The following DBT variants were observed in gnomAD, a reference collection of about 807,000 sequenced individuals.
The protein encoded by DBT is lipoamide acyltransferase component of branched-chain alpha-keto acid dehydrogenase complex, mitochondrial.
A neutral mutation model predicts 51.3 loss-of-function variants in DBT; 40 were observed. That is an observed-to-expected ratio of 0.78 (90% CI 0.61 to 1.02). The LOEUF (loss-of-function observed/expected upper bound fraction) is 1.02, where lower values mean the gene tolerates loss of function less well. Ranked by LOEUF, DBT falls within the 50% of genes least tolerant of loss-of-function variation. The pLI, the probability that DBT is intolerant of heterozygous loss-of-function variation, is 0.00. For synonymous variants in DBT, 181 were observed against 190.4 expected (o/e 0.95, Z 0.41); for missense variants, 510 against 580.2 (o/e 0.88, Z 1.24).
rs1250781672 is a variant in DBT at position 100,189,834 on chromosome 1, T to G, written c.*6421A>C. The G allele has an allele frequency of 2.0e-5, 3 of 152,330 alleles. No individual in the cohort carries two copies. Among genetic ancestry groups the G allele is most frequent in the African/African-American group, 7.2e-5 (3 of 41,558 alleles). The allele number at this position is 152,330 out of a possible 1,614,324, so 9.4% of individuals were successfully genotyped here. A position where few individuals can be genotyped will look rare whatever the true frequency, so the allele number is the denominator to read the frequency against. On this transcript the variant is annotated 3_prime_UTR_variant, in exon 11 of 11. Transcript: ENST00000370132. ...TATTTAAAAAATAAGAACATTTGTG[T>G]CTTATTAGTTAAGGCAGCACTATCC...
At chr1:100,200,756 C>T (rs572426187) in intron 10 of DBT, among the ~76,000 whole-genome samples, 1 of 152,316 alleles carries the variant, frequency 6.6e-6, no homozygotes, top group South Asian at 2.1e-4. Context: ...TGGTGATACC[C>T]AGGCAAACAG....
chr1:100,198,650 T>C (rs1661244255), intron 10 of DBT, among the ~76,000 whole-genome samples: 1 of 152,208 alleles, frequency 6.6e-6, no homozygotes, highest in Non-Finnish European at 1.5e-5. Context: ...GAATTCTTGT[T>C]GGAAAAGAGA....
Position 100,240,898 on chromosome 1 carries a change from A to C in DBT, c.52-14T>G. 1 of 1,612,594 alleles carries C rather than the reference A, an allele frequency of 6.2e-7. No homozygotes were observed. Among genetic ancestry groups the C allele is most frequent in the South Asian group, 1.1e-5 (1 of 90,876 alleles). On this transcript the variant is annotated splice_polypyrimidine_tract_variant and intron_variant, in intron 1 of 10. Coordinates refer to ENST00000370132, the MANE Select transcript of DBT (RefSeq NM_001918.5). ...GCGAACACAAATCTACAGATGAGAA[A>C]ACAAAAAGTAAAAGCATTTATAAAC...
rs971148454 is a variant in DBT, at chr1:100,249,369, C to A, written c.51+401G>T. On this transcript the variant is annotated intron_variant, in intron 1 of 10. Transcript: ENST00000370132. ...CTTGAACGGCCTCTTCCTCTACACA[C>A]TGTAGATTCCTTGAGGGTAGGGGTC... 3.2e-4 allele frequency: 111 copies of A among 341,680 alleles called. 1 individual carries two copies. The Admixed American group carries it at 4.3e-3, about 13-fold the overall frequency. The allele number at this position is 341,680 out of a possible 1,614,324, so 21.2% of individuals were successfully genotyped here. A position where few individuals can be genotyped will look rare whatever the true frequency, so the allele number is the denominator to read the frequency against.
rs1293350862 is a variant in DBT at position 100,187,687 on chromosome 1, GCTAA to G, written c.*8564_*8567del. ...CCACAGGCGTGCACCACCAGGCCTG[GCTAA>G]CTTTTTGTATTTTTTTTTTTTTTTT... On this transcript the variant is annotated 3_prime_UTR_variant, in exon 11 of 11. Coordinates refer to ENST00000370132, the MANE Select transcript of DBT (RefSeq NM_001918.5). The G allele has an allele frequency of 1.3e-5, 2 of 151,388 alleles. No individual in the cohort carries two copies. Among genetic ancestry groups the G allele is most frequent in the African/African-American group, 4.9e-5 (2 of 41,062 alleles). The allele number at this position is 151,388 out of a possible 1,614,324, so 9.4% of individuals were successfully genotyped here.
chr1:100,210,575 C>A, intron 8 of DBT, 119 bp downstream of exon 8: 16 of 1,368,904 alleles, frequency 1.2e-5, no homozygotes, highest in Non-Finnish European at 1.5e-5. Flanking sequence ...TTACCCCATA[C>A]CTTTAATTCT....
intron 4 of DBT, among the ~76,000 whole-genome samples, chr1:100,226,732 A>G (rs1437260423): frequency 6.6e-6 from 1 of 152,202 alleles, no homozygotes; most frequent in Non-Finnish European, 1.5e-5. Context: ...GGGTGGGAAA[A>G]GTATGAGGTG....
chr1:100,205,398 C>T (rs554615403), intron 10 of DBT, among the ~76,000 whole-genome samples: 1 of 152,128 alleles, frequency 6.6e-6, no homozygotes, highest in African/African-American at 2.4e-5. Flanking sequence ...ATCAAAACTA[C>T]AATGAGATAC....
intron 2 of DBT, among the ~76,000 whole-genome samples, chr1:100,240,551 G>T (rs1664150945): frequency 6.6e-6 from 1 of 152,012 alleles, no homozygotes; most frequent in South Asian, 2.1e-4. Flanking sequence ...TTTTTAAAAA[G>T]GGGTGCCAGT....
intron 4 of DBT, among the ~76,000 whole-genome samples, chr1:100,219,612 A>T (rs1662720987): frequency 1.3e-5 from 2 of 151,888 alleles, no homozygotes; most frequent in African/African-American, 2.4e-5. Flanking sequence ...GCTAGGTACG[A>T]TAGCACACAT....
chr1:100,240,836 G>A lies in DBT; in HGVS notation c.100C>T (p.Pro34Ser), dbSNP rs1258634120. The A allele has an allele frequency of 1.2e-6, 2 of 1,611,322 alleles. No homozygotes were observed. The highest frequency in any genetic ancestry group is 1.3e-5 in the African/African-American group (1 of 74,950). ...TAACCAAAGAAACACACATAATTTG[G>A]CTTCAAAACATGAACATTACCACAT... ...QTCGNVHVLK[P>S]NYVCFFGYPS... The change falls in exon 2 of 11, where the codon CCA becomes TCA. Residue 34 changes from proline to serine, a missense_variant. Coordinates refer to ENST00000370132, the MANE Select transcript of DBT (RefSeq NM_001918.5).
intron 8 of DBT, among the ~76,000 whole-genome samples, chr1:100,209,110 T>C (rs1461948057): frequency 1.3e-5 from 2 of 150,778 alleles, no homozygotes; most frequent in African/African-American, 2.4e-5. Context: ...TTTTTTTTTT[T>C]TGACAAAGGC....
At chr1:100,240,983 C>G in intron 1 of DBT, 99 bp from the exon 2 acceptor site, 2 of 1,168,460 alleles carry the variant, frequency 1.7e-6, no homozygotes, top group East Asian at 4.7e-5. Flanking sequence ...AAAAGTAGAA[C>G]CATTGTCACA....
At chr1:100,249,693 G>A (rs1205768450) in intron 1 of DBT, 77 bp downstream of exon 1, 3 of 1,440,016 alleles carry the variant, frequency 2.1e-6, no homozygotes, top group Non-Finnish European at 2.9e-6. Context: ...CACCGGAGGA[G>A]AAAGTAAAAC....
At chr1:100,239,677 C>A (rs1211935785) in intron 2 of DBT, among the ~76,000 whole-genome samples, 1 of 151,810 alleles carries the variant, frequency 6.6e-6, no homozygotes, top group Non-Finnish European at 1.5e-5. Flanking sequence ...TTTAGACCAG[C>A]CTGGGCACTG....
chr1:100,196,139 A>T lies in DBT; in HGVS notation c.*116T>A. 1.1e-6 allele frequency: 1 copy of T among 941,274 alleles called. No individual in the cohort carries two copies. Among genetic ancestry groups the T allele is most frequent in the Non-Finnish European group, 1.7e-6 (1 of 588,736 alleles). 58.3% of individuals were successfully genotyped at this position (941,274 alleles called of 1,614,324 possible). A position where few individuals can be genotyped will look rare whatever the true frequency, so the allele number is the denominator to read the frequency against. On this transcript the variant is annotated 3_prime_UTR_variant, in exon 11 of 11. Transcript: ENST00000370132. ...GACAAATATTGTGCCTTAGATCCTT[A>T]ATCATACGATACAAATCATTTACAA...
At position 100,216,066 on chromosome 1, in the gene DBT, G is replaced by C; in HGVS notation, c.689C>G (p.Pro230Arg). Reference protein sequence around the residue: ...SPKVEIMPPPPKPKDMTVPIL... With the variant: ...SPKVEIMPPPRKPKDMTVPIL... ...AGGAACAGTCATGTCTTTTGGCTTT[G>C]GTGGAGGTGGCATAATTTCAACTTT... The change falls in exon 6 of 11, where the codon CCA (proline) becomes CGA (arginine). Residue 230 changes from proline to arginine, a missense_variant. By Grantham distance (103) the Pro-to-Arg change is moderately radical. Coordinates refer to ENST00000370132, the MANE Select transcript of DBT (RefSeq NM_001918.5). 1.2e-6 allele frequency: 2 copies of C among 1,613,530 alleles called. No homozygotes were observed. Among genetic ancestry groups the C allele is most frequent in the Non-Finnish European group, 1.7e-6 (2 of 1,179,528 alleles).
At chr1:100,233,558 G>A (rs760426822) in intron 3 of DBT, among the ~76,000 whole-genome samples, 1 of 152,186 alleles carries the variant, frequency 6.6e-6, no homozygotes, top group Non-Finnish European at 1.5e-5. Flanking sequence ...TGAAATGGTT[G>A]TTCCTCAGTG....
rs1250753300 is a variant in DBT at position 100,249,791 on chromosome 1, C to G, written c.30G>C (p.Trp10Cys). The G allele has an allele frequency of 1.2e-6, 2 of 1,614,098 alleles. No individual in the cohort carries two copies. Among genetic ancestry groups the G allele is most frequent in the Non-Finnish European group, 8.5e-7 (1 of 1,180,028 alleles). Residue 10 changes from tryptophan to cysteine, a missense_variant, in exon 1 of 11, where the codon TGG (tryptophan) becomes TGC (cysteine). Coordinates refer to ENST00000370132, the MANE Select transcript of DBT (RefSeq NM_001918.5). MAAVRMLRTWSRNAGKLICV... is the reference protein window; with the variant it reads MAAVRMLRTCSRNAGKLICV... ...TTACCAGCTTCCCCGCATTCCTGCT[C>G]CAGGTTCTCAGCATACGGACTGCAG...
Sources: gnomAD v4.1 joint callset for allele counts (sites outside exome capture counted in the v4.1 genomes callset) on GRCh38, gnomAD v4.1.1 for gene constraint, MANE v1.5 for transcripts, NCBI Gene and HGNC (gene_info 2026-07-23, HGNC 2026-07-21) for gene names.